The following SLC4A7 variants were observed in gnomAD, a reference collection of about 807,000 sequenced individuals.
SLC4A7 encodes the protein sodium bicarbonate cotransporter 3.
In SLC4A7, 51 loss-of-function variants were observed where a neutral mutation model predicts 137.6. The ratio of observed to expected loss-of-function variants is 0.37; its 90% CI spans 0.30 to 0.47. The LOEUF is 0.47. SLC4A7 is among the 20% of genes least tolerant of loss of function. The pLI is 1.00. For synonymous variants in SLC4A7, 542 were observed against 518.6 expected (o/e 1.05, Z -0.61); for missense variants, 1,247 against 1,525.4 (o/e 0.82, Z 3.04).
intron 3 of SLC4A7, among the ~76,000 whole-genome samples, chr3:27,438,026 G>T (rs35752825): frequency 6.6e-6 from 1 of 151,806 alleles, no homozygotes; most frequent in African/African-American, 2.4e-5. Flanking sequence ...GTGAAACCCC[G>T]TCTCTACTAA....
At chr3:27,470,641 T>TA (rs35093803) in intron 1 of SLC4A7, among the ~76,000 whole-genome samples, 30,129 of 115,460 alleles carry the variant, frequency 0.26, 3,327 homozygotes, top group Non-Finnish European at 0.3. Context: ...GCTCCAACTT[T>TA]AAAAAAAAAA....
rs142495604 is a variant in SLC4A7 at position 27,420,082 on chromosome 3, G to T, written c.1512+618C>A. Among the ~76,000 whole-genome samples, 309 of 151,856 alleles carry T rather than the reference G, an allele frequency of 2.0e-3. 1 individual carries two copies. The highest frequency in any genetic ancestry group is 7.2e-3 in the African/African-American group (298 of 41,392). On this transcript the variant is annotated intron_variant, in intron 10 of 25. Coordinates refer to ENST00000454389, the MANE Select transcript of SLC4A7 (RefSeq NM_001321103.2). Reference sequence around the variant, plus strand: ...GGTGCACCTGTAGTCCCAGCTACTCGGGAGGCTGAGGCAGGAGAATTGCAG... The same window carrying T: ...GGTGCACCTGTAGTCCCAGCTACTCTGGAGGCTGAGGCAGGAGAATTGCAG...
chr3:27,429,868 C>CAA (rs34059437), intron 7 of SLC4A7, among the ~76,000 whole-genome samples: 17 of 127,286 alleles, frequency 1.3e-4, no homozygotes, highest in South Asian at 5.0e-4. Flanking sequence ...CCCGCCCAAG[C>CAA]AAAAAAAAAA....
At chr3:27,394,928 T>C (rs769667455) in intron 19 of SLC4A7, 26 bp downstream of exon 19, 1 of 1,570,968 alleles carries the variant, frequency 6.4e-7, no homozygotes. Context: ...AGAATCACAA[T>C]GCTTAAGGCA....
chr3:27,399,871 A>G (rs952227558), intron 16 of SLC4A7, among the ~76,000 whole-genome samples: 5 of 152,234 alleles, frequency 3.3e-5, no homozygotes. Context: ...AGTTAACTGA[A>G]AAACTAAACT....
intron 11 of SLC4A7, among the ~76,000 whole-genome samples, chr3:27,413,579 A>T (rs929395587): frequency 6.6e-6 from 1 of 152,180 alleles, no homozygotes; most frequent in Non-Finnish European, 1.5e-5. Flanking sequence ...TATTCATATG[A>T]TTTACCATAA....
intron 1 of SLC4A7, among the ~76,000 whole-genome samples, chr3:27,461,797 CAAAA>C (rs11353094): frequency 7.4e-6 from 1 of 136,036 alleles, no homozygotes. Context: ...CCATCTCCAC[CAAAA>C]AAAAAAAAAA....
At chr3:27,435,980 T>A (rs1430068668) in intron 5 of SLC4A7, among the ~76,000 whole-genome samples, 1 of 152,250 alleles carries the variant, frequency 6.6e-6, no homozygotes, top group Non-Finnish European at 1.5e-5. Flanking sequence ...GAGATTCCTG[T>A]CTATACTTCT....
At chr3:27,424,471 A>C in intron 7 of SLC4A7, 1 of 190,034 alleles carries the variant, frequency 5.3e-6, no homozygotes, top group African/African-American at 2.3e-5. Flanking sequence ...CATTAAAAAT[A>C]CTTAGGGAAT....
At chr3:27,392,451 G>T (rs977885893) in intron 20 of SLC4A7, among the ~76,000 whole-genome samples, 23 of 152,174 alleles carry the variant, frequency 1.5e-4, no homozygotes, top group Non-Finnish European at 2.1e-4. Flanking sequence ...AAACTACAGA[G>T]GAAAACCACA....
intron 7 of SLC4A7, among the ~76,000 whole-genome samples, chr3:27,427,952 T>G (rs552115077): frequency 7.2e-5 from 11 of 152,172 alleles, no homozygotes; most frequent in Non-Finnish European, 1.5e-4. Context: ...ATCTCCCCCT[T>G]CTTTCCTATA....
rs144326160 is a variant in SLC4A7, at chr3:27,474,235, A to T, written c.60+9832T>A. Among the ~76,000 whole-genome samples, 590 of 152,284 alleles carry T rather than the reference A, an allele frequency of 3.9e-3. 6 individuals are homozygous for T. The highest frequency in any genetic ancestry group is 0.014 in the African/African-American group (573 of 41,526). Reference sequence around the variant, plus strand: ...GTGTCTCAGAGAATAAATAAGTGAGATAACAGAGGCCTCCATCATCATCTC... The same window carrying T: ...GTGTCTCAGAGAATAAATAAGTGAGTTAACAGAGGCCTCCATCATCATCTC... On this transcript the variant is annotated intron_variant, in intron 1 of 25. Coordinates refer to ENST00000454389, the MANE Select transcript of SLC4A7 (RefSeq NM_001321103.2).
chr3:27,432,477 G>T (rs1308166721), intron 6 of SLC4A7, among the ~76,000 whole-genome samples: 5 of 152,152 alleles, frequency 3.3e-5, no homozygotes, highest in South Asian at 2.1e-4. Flanking sequence ...ATTTCAAAAG[G>T]TCATGCATAC....
Position 27,383,181 on chromosome 3 carries a change from G to C in SLC4A7, c.3562C>G (p.Gln1188Glu), listed in dbSNP as rs1023798749. The stretch of plus-strand genomic sequence containing the variant: ...TATTTTAGGGCCTTGACTGGAATTT[G>C]CAAGAGACTTCCCCCTTCAAATGGA... ...HLPFEGGSLL[Q>E]IPVKALKYSV... Residue 1188 changes from glutamine to glutamate, a missense_variant, in exon 24 of 26, where the codon CAA becomes GAA. Transcript: ENST00000454389. The C allele has an allele frequency of 6.2e-7, 1 of 1,612,402 alleles. No homozygotes were observed. Among genetic ancestry groups the C allele is most frequent in the African/African-American group, 1.3e-5 (1 of 74,902 alleles).
At chr3:27,389,042 T>G (rs1384164969) in intron 22 of SLC4A7, among the ~76,000 whole-genome samples, 1 of 152,094 alleles carries the variant, frequency 6.6e-6, no homozygotes, top group African/African-American at 2.4e-5. Context: ...TGTATATCCA[T>G]TCTCTCATTT....
chr3:27,409,656 T>C, intron 12 of SLC4A7, 126 bp from the exon 13 acceptor site: 2 of 633,740 alleles, frequency 3.2e-6, no homozygotes, highest in South Asian at 2.3e-5. Flanking sequence ...TTAAATCCAA[T>C]TTAACTTATA....
intron 3 of SLC4A7, among the ~76,000 whole-genome samples, chr3:27,438,598 CATAACATAAA>C (rs1478096682): frequency 5.5e-4 from 60 of 108,566 alleles, no homozygotes; most frequent in African/African-American, 1.7e-3. Context: ...AATAAAATAA[CATAACATAAA>C]ATAAAATAAC....
intron 13 of SLC4A7, among the ~76,000 whole-genome samples, chr3:27,407,559 G>T (rs58513952): frequency 1.3e-5 from 2 of 150,964 alleles, no homozygotes; most frequent in African/African-American, 4.9e-5. Context: ...GTACCCATCA[G>T]AAGGCCTACC....
chr3:27,405,476 A>T (rs1404968936), intron 13 of SLC4A7, among the ~76,000 whole-genome samples: 1 of 152,188 alleles, frequency 6.6e-6, no homozygotes, highest in African/African-American at 2.4e-5. Flanking sequence ...TTATCTATAT[A>T]TGTTTTATTT....
Sources: gnomAD v4.1 joint callset for allele counts (sites outside exome capture counted in the v4.1 genomes callset) on GRCh38, gnomAD v4.1.1 for gene constraint, MANE v1.5 for transcripts, NCBI Gene and HGNC (gene_info 2026-07-23, HGNC 2026-07-21) for gene names.